The following KLRG1 variants were observed in gnomAD, a reference collection of about 807,000 sequenced individuals.
The protein encoded by KLRG1 is killer cell lectin-like receptor subfamily G member 1.
Under a neutral mutation model 21.8 loss-of-function variants are expected in KLRG1, and 16 were observed. That is an observed-to-expected ratio of 0.73 (90% CI 0.50 to 1.11). KLRG1 has a LOEUF of 1.11. Ranked by LOEUF, KLRG1 falls within the 50% of genes most tolerant of loss-of-function variation. KLRG1 has a pLI of 0.00. For missense variants in KLRG1, 173 were observed against 218.3 expected, an observed-to-expected ratio of 0.79 and a Z score of 1.31; for synonymous variants, 69 against 75.9, an observed-to-expected ratio of 0.91 and a Z score of 0.47.
At chr12:9,142,423 G>C in the KLRG1 span, among the ~76,000 whole-genome samples, 1 of 152,164 alleles carries the variant, frequency 6.6e-6, no homozygotes, top group Non-Finnish European at 1.5e-5. Flanking sequence ...GTATGAAATT[G>C]CTTGATTAAT....
At chr12:9,158,678 A>T in the KLRG1 span, 1 of 1,153,932 alleles carries the variant, frequency 8.7e-7, no homozygotes, top group Non-Finnish European at 1.2e-6. Context: ...CACCCAAGAA[A>T]GTCAATCAGC....
chr12:8,973,157 TCAAAAGAAAA>T (rs1565539529), intron 1 of KLRG1, among the ~76,000 whole-genome samples: 1 of 55,700 alleles, frequency 1.8e-5, no homozygotes. Context: ...AGACTCCATC[TCAAAAGAAAA>T]AAAAAAAAAA....
the KLRG1 span, among the ~76,000 whole-genome samples, chr12:9,088,761 T>G: frequency 6.6e-6 from 1 of 152,196 alleles, no homozygotes; most frequent in African/African-American, 2.4e-5. Context: ...ACAATAATGG[T>G]AAAGGCCATG....
chr12:9,003,817 A>G (rs1332308599), intron 3 of KLRG1, among the ~76,000 whole-genome samples: 6 of 151,994 alleles, frequency 3.9e-5, no homozygotes, highest in Non-Finnish European at 7.4e-5. Context: ...CTCGTTATTT[A>G]GCATTAGGTA....
chr12:9,150,684 C>T, the KLRG1 span: 1 of 1,612,764 alleles, frequency 6.2e-7, no homozygotes, highest in Non-Finnish European at 8.5e-7. Context: ...TTGCTGGCTT[C>T]AAGTCTCCTA....
the KLRG1 span, among the ~76,000 whole-genome samples, chr12:9,092,858 A>C: frequency 1.3e-5 from 2 of 152,244 alleles, no homozygotes; most frequent in Non-Finnish European, 2.9e-5. Flanking sequence ...ATATAAAAAC[A>C]ACCTAAGTGT....
At chr12:9,175,250 G>A in the KLRG1 span, among the ~76,000 whole-genome samples, 1 of 152,114 alleles carries the variant, frequency 6.6e-6, no homozygotes, top group Non-Finnish European at 1.5e-5. Flanking sequence ...GGGAATGCTG[G>A]CTAGCCTTAT....
chr12:9,140,984 G>T, the KLRG1 span, among the ~76,000 whole-genome samples: 1 of 152,096 alleles, frequency 6.6e-6, no homozygotes, highest in Non-Finnish European at 1.5e-5. Flanking sequence ...TAACTATATT[G>T]CCATAACTTA....
the KLRG1 span, among the ~76,000 whole-genome samples, chr12:9,123,790 C>G: frequency 6.6e-6 from 1 of 151,376 alleles, no homozygotes; most frequent in South Asian, 2.1e-4. Flanking sequence ...TTCCTAGATC[C>G]TTTACATTAT....
chr12:9,093,919 C>CA, the KLRG1 span, among the ~76,000 whole-genome samples: 75 of 146,056 alleles, frequency 5.1e-4, no homozygotes, highest in African/African-American at 1.1e-3. Context: ...AAACAAACAA[C>CA]AAAAAAAAAC....
At chr12:9,111,275 T>A in the KLRG1 span, among the ~76,000 whole-genome samples, 1 of 152,172 alleles carries the variant, frequency 6.6e-6, no homozygotes, top group Non-Finnish European at 1.5e-5. Context: ...TTAATGGAGC[T>A]TATGTTATAA....
At chr12:9,191,636 T>G in the KLRG1 span, among the ~76,000 whole-genome samples, 1 of 152,126 alleles carries the variant, frequency 6.6e-6, no homozygotes, top group Non-Finnish European at 1.5e-5. Flanking sequence ...TTCCCTTAGT[T>G]TAGGTTAATT....
At chr12:8,961,953 G>C (rs1946388758) in intron 1 of KLRG1, among the ~76,000 whole-genome samples, 1 of 152,138 alleles carries the variant, frequency 6.6e-6, no homozygotes, top group South Asian at 2.1e-4. Context: ...AGGCATGGTG[G>C]TACGCACCTG....
chr12:9,059,512 A>G, the KLRG1 span, among the ~76,000 whole-genome samples: 7 of 152,230 alleles, frequency 4.6e-5, no homozygotes, highest in East Asian at 3.8e-4. Context: ...GTGGGTTTCA[A>G]TGGATAAAAC....
At chr12:9,155,590 A>G in the KLRG1 span, among the ~76,000 whole-genome samples, 5 of 152,286 alleles carry the variant, frequency 3.3e-5, no homozygotes, top group Admixed American at 2.6e-4. Context: ...GTAGTGGTCT[A>G]CAACCAGACT....
the KLRG1 span, among the ~76,000 whole-genome samples, chr12:9,096,221 A>G: frequency 6.6e-6 from 1 of 152,182 alleles, no homozygotes; most frequent in African/African-American, 2.4e-5. Flanking sequence ...GAAAAACCAA[A>G]CACTCCATCT....
the KLRG1 span, chr12:9,158,526 A>C: frequency 2.5e-6 from 4 of 1,614,156 alleles, no homozygotes; most frequent in Non-Finnish European, 3.4e-6. Flanking sequence ...TTCATCAATG[A>C]AGATGTAGGA....
chr12:9,052,929 GCTT>G, the KLRG1 span: 1 of 414,844 alleles, frequency 2.4e-6, no homozygotes, highest in Non-Finnish European at 4.7e-6. Flanking sequence ...TCTCTTTTGT[GCTT>G]CTACATTTTT....
chr12:8,996,808 C>A (rs1053107953), intron 3 of KLRG1, among the ~76,000 whole-genome samples: 6 of 152,184 alleles, frequency 3.9e-5, no homozygotes, highest in African/African-American at 1.4e-4. Context: ...GTTGTAGCAA[C>A]TCCTATTCTC....
Sources: allele counts gnomAD v4.1 joint callset (sites outside exome capture counted in the v4.1 genomes callset), GRCh38; gene constraint gnomAD v4.1.1; transcripts MANE v1.5; gene names NCBI Gene and HGNC (gene_info 2026-07-23, HGNC 2026-07-21).